Variants in CHRM5 observed in about 807,000 individuals in gnomAD.
CHRM5 encodes cholinergic receptor muscarinic 5, also known as muscarinic acetylcholine receptor M5.
CHRM5 carries 18 observed loss-of-function variants against 39.0 expected under a neutral mutation model. The ratio of observed to expected loss-of-function variants is 0.46; its 90% CI spans 0.32 to 0.68. The LOEUF is 0.68. CHRM5 is among the 30% of genes least tolerant of loss of function. The probability of loss-of-function intolerance (pLI) is 0.04; values close to 1 mark genes in which losing one functional copy is unlikely to be tolerated. For missense variants in CHRM5, 515 were observed against 651.1 expected, an observed-to-expected ratio of 0.79 and a Z score of 2.28; for synonymous variants, 241 against 246.3, an observed-to-expected ratio of 0.98 and a Z score of 0.20.
At chr15:33,978,328 G>A (rs1197681718) in intron 1 of CHRM5, among the ~76,000 whole-genome samples, 1 of 152,150 alleles carries the variant, frequency 6.6e-6, no homozygotes, top group African/African-American at 2.4e-5. Context: ...AACAGAGTGG[G>A]GGAGTACATT....
chr15:33,971,335 A>G (rs979704504), intron 1 of CHRM5, among the ~76,000 whole-genome samples: 1 of 152,102 alleles, frequency 6.6e-6, no homozygotes, highest in Admixed American at 6.5e-5. Flanking sequence ...GTGTATCATT[A>G]GTTCCTTTCA....
intron 1 of CHRM5, among the ~76,000 whole-genome samples, chr15:34,016,871 G>GT (rs1471914731): frequency 6.6e-6 from 1 of 152,170 alleles, no homozygotes; most frequent in Non-Finnish European, 1.5e-5. Flanking sequence ...GCACACGCCT[G>GT]TAATTGCAGC....
chr15:33,981,369 T>A (rs1339143226), intron 1 of CHRM5, among the ~76,000 whole-genome samples: 2 of 152,184 alleles, frequency 1.3e-5, no homozygotes, highest in Non-Finnish European at 2.9e-5. Flanking sequence ...TCAGTTTAAA[T>A]GAAACAAGTA....
rs566576492 is a variant in CHRM5 at position 34,063,792 on chromosome 15, C to T, written c.1075C>T (p.Pro359Ser). 1.2e-6 allele frequency: 2 copies of T among 1,614,168 alleles called. No homozygotes were observed. The highest frequency in any genetic ancestry group is 2.7e-5 in the African/African-American group (2 of 75,022). The change falls in exon 3 of 3, where the codon CCA becomes TCA. Residue 359 changes from proline to serine, a missense_variant. By Grantham distance (74) the Pro-to-Ser change is moderately conservative. Transcript: ENST00000383263. The surrounding 1 kb of genome is among the most constrained non-coding windows in gnomAD (Gnocchi z 4.1). Reference protein sequence around the residue: ...AETEKSDYDTPNYLLSPAAAH... With the variant: ...AETEKSDYDTSNYLLSPAAAH... ...AACTGAAAAAAGTGACTATGACACC[C>T]CAAACTACCTTCTGTCTCCAGCAGC...
chr15:33,988,803 G>A (rs1392278124), intron 1 of CHRM5, among the ~76,000 whole-genome samples: 1 of 152,190 alleles, frequency 6.6e-6, no homozygotes, highest in African/African-American at 2.4e-5. Flanking sequence ...CAGCAAGAAG[G>A]ACCATTGTTG....
At chr15:34,042,792 A>G (rs982160439) in intron 1 of CHRM5, among the ~76,000 whole-genome samples, 1 of 152,162 alleles carries the variant, frequency 6.6e-6, no homozygotes, top group African/African-American at 2.4e-5. Context: ...TCACCTGGGA[A>G]CTTGTTAGAA....
chr15:34,017,256 T>A (rs887103644), intron 1 of CHRM5, among the ~76,000 whole-genome samples: 4 of 152,058 alleles, frequency 2.6e-5, no homozygotes, highest in African/African-American at 9.7e-5. Context: ...TGAGCTCTCA[T>A]ACAAAATGAA....
chr15:34,031,450 C>G (rs1313885372), intron 1 of CHRM5, among the ~76,000 whole-genome samples: 1 of 152,104 alleles, frequency 6.6e-6, no homozygotes. Context: ...GCTGGGATTA[C>G]GGGCATGAGC....
At chr15:33,975,081 A>G (rs1327376264) in intron 1 of CHRM5, among the ~76,000 whole-genome samples, 4 of 152,230 alleles carry the variant, frequency 2.6e-5, no homozygotes, top group Non-Finnish European at 2.9e-5. Flanking sequence ...TATAAGACAT[A>G]TAAGAGCAGA....
chr15:34,001,462 C>T (rs1056373758), intron 1 of CHRM5, among the ~76,000 whole-genome samples: 1 of 152,068 alleles, frequency 6.6e-6, no homozygotes, highest in Non-Finnish European at 1.5e-5. Flanking sequence ...CAATTTTCTC[C>T]CCCTAGATCT....
chr15:33,991,486 G>A (rs930804402), intron 1 of CHRM5: 1 of 147,310 alleles, frequency 6.8e-6, no homozygotes, highest in African/African-American at 2.6e-5. Context: ...TATCTACTAC[G>A]GACCCACAAA....
Position 34,056,192 on chromosome 15 carries a change from G to A in CHRM5, c.-75-6451G>A, listed in dbSNP as rs1335590945. Among the ~76,000 whole-genome samples the A allele has an allele frequency of 2.6e-5, 4 of 152,200 alleles. No individual in the cohort carries two copies. In the South Asian group the frequency reaches 6.2e-4, roughly 24 times the overall value. Reference sequence around the variant, plus strand: ...AATAGTTTCCAGTGTTTTCTACTGTGAGCCTATAAGAAGAGCCTGAAAGCA... The same window carrying A: ...AATAGTTTCCAGTGTTTTCTACTGTAAGCCTATAAGAAGAGCCTGAAAGCA... On this transcript the variant is annotated intron_variant, in intron 2 of 2. Coordinates refer to ENST00000383263, the MANE Select transcript of CHRM5 (RefSeq NM_012125.4).
intron 1 of CHRM5, among the ~76,000 whole-genome samples, chr15:34,033,821 T>A (rs1268959578): frequency 6.6e-6 from 1 of 152,150 alleles, no homozygotes; most frequent in East Asian, 1.9e-4. Context: ...TGGAGTCTCA[T>A]TCTGTCTCCA....
intron 1 of CHRM5, among the ~76,000 whole-genome samples, chr15:34,004,741 T>C (rs540990236): frequency 6.6e-6 from 1 of 152,280 alleles, no homozygotes; most frequent in East Asian, 1.9e-4. Flanking sequence ...TGGTAATTGC[T>C]GAAGCTGGAT....
chr15:33,983,258 T>TCTTA (rs59951787), intron 1 of CHRM5, among the ~76,000 whole-genome samples: 37,595 of 146,126 alleles, frequency 0.26, 7,148 homozygotes, highest in African/African-American at 0.5. Flanking sequence ...ATATATGGCT[T>TCTTA]CTTGGTAACC....
At chr15:34,006,658 G>C (rs1897357891) in intron 1 of CHRM5, among the ~76,000 whole-genome samples, 1 of 152,170 alleles carries the variant, frequency 6.6e-6, no homozygotes, top group African/African-American at 2.4e-5. Context: ...ATAATAGGCT[G>C]ATCCTTATGC....
At position 34,005,417 on chromosome 15, in the gene CHRM5, T is replaced by C. The variant is rs567690126; in HGVS notation, c.-408+36267T>C. 7.3e-5 allele frequency among the ~76,000 whole-genome samples: 11 copies of C among 149,684 alleles called. No homozygotes were observed. In the East Asian group the frequency reaches 1.2e-3, roughly 16 times the overall value. ...CAGGCTAGGTCTGTTTGCTTCCTCA[T>C]GGTATTATTTACAGATTTTTTTTAT... On this transcript the variant is annotated intron_variant, in intron 1 of 2. Transcript: ENST00000383263.
chr15:34,001,057 G>A (rs1040686878), intron 1 of CHRM5, among the ~76,000 whole-genome samples: 1 of 126,072 alleles, frequency 7.9e-6, no homozygotes, highest in Non-Finnish European at 1.6e-5. Flanking sequence ...TTTTGCTCTT[G>A]TTGCCCAGGC....
intron 1 of CHRM5, among the ~76,000 whole-genome samples, chr15:33,977,692 C>T (rs544746453): frequency 4.6e-5 from 7 of 152,266 alleles, no homozygotes; most frequent in East Asian, 1.9e-4. Flanking sequence ...AAGAATCAAA[C>T]GTTCTCTATT....
Sources: gnomAD v4.1 joint callset for allele counts (sites outside exome capture counted in the v4.1 genomes callset) on GRCh38, gnomAD v4.1.1 for gene constraint, Gnocchi (gnomAD v3.1) non-coding constraint, MANE v1.5 for transcripts, NCBI Gene and HGNC (gene_info 2026-07-23, HGNC 2026-07-21) for gene names.